Variants in POM121 observed in about 807,000 individuals in gnomAD.
POM121 encodes the protein nuclear envelope pore membrane protein POM 121.
A neutral mutation model predicts 81.3 loss-of-function variants in POM121; 32 were observed. That is an observed-to-expected ratio of 0.39 (90% CI 0.30 to 0.53). The LOEUF (loss-of-function observed/expected upper bound fraction) is 0.53. POM121 is among the 20% of genes least tolerant of loss of function. The pLI, the probability that POM121 is intolerant of heterozygous loss-of-function variation, is 0.66. For synonymous variants in POM121, 514 were observed against 694.2 expected, an observed-to-expected ratio of 0.74 and a Z score of 4.08; for missense variants, 1,138 against 1,614.6, an observed-to-expected ratio of 0.70 and a Z score of 5.06.
At chr7:72,949,286 C>T (rs376937207), downstream of POM121, 110 of 837,686 alleles carry the variant, frequency 1.3e-4, 3 homozygotes, top group Middle Eastern at 6.6e-4. Flanking sequence ...CTCTGAGTCC[C>T]TCAGCCACGC....
At chr7:72,898,586 C>T (rs1304753386) in intron 3 of POM121, among the ~76,000 whole-genome samples, 8 of 152,048 alleles carry the variant, frequency 5.3e-5, no homozygotes, top group Non-Finnish European at 1.2e-4. Flanking sequence ...CACCTGCGGT[C>T]GGGAGTGTGA....
chr7:72,895,275 T>C (rs1213067513), intron 3 of POM121, among the ~76,000 whole-genome samples: 1 of 152,238 alleles, frequency 6.6e-6, no homozygotes, highest in Non-Finnish European at 1.5e-5. Flanking sequence ...TGTATGTACC[T>C]TTTTCATACC....
intron 5 of POM121, 71 bp downstream of exon 5, chr7:72,930,182 T>G: frequency 6.6e-7 from 1 of 1,507,920 alleles, no homozygotes. Context: ...GGGCCAGACA[T>G]GGTAGCTTAG....
intron 10 of POM121, among the ~76,000 whole-genome samples, 200 bp from the exon 11 acceptor site, chr7:72,941,637 C>T (rs555931747): frequency 6.6e-6 from 1 of 151,846 alleles, no homozygotes; most frequent in African/African-American, 2.4e-5. Context: ...CATTTTATCC[C>T]CTTCTGTCTG....
intron 5 of POM121, among the ~76,000 whole-genome samples, chr7:72,933,000 A>G (rs868919203): frequency 1.2e-4 from 18 of 151,670 alleles, no homozygotes; most frequent in Admixed American, 2.0e-4. Flanking sequence ...TGCAGTGAGC[A>G]GAGATAGCGC....
chr7:72,913,281 C>T (rs1793979028), intron 3 of POM121, among the ~76,000 whole-genome samples: 1 of 152,348 alleles, frequency 6.6e-6, no homozygotes, highest in South Asian at 2.1e-4. Context: ...GTCTCCCCAC[C>T]TCCACTGCGT....
chr7:72,942,877 T>G lies in POM121; in HGVS notation c.2884T>G (p.Ser962Ala), dbSNP rs782075555. 5.6e-6 allele frequency: 9 copies of G among 1,594,484 alleles called. No individual in the cohort carries two copies. The highest frequency in any genetic ancestry group is 7.7e-6 in the Non-Finnish European group (9 of 1,171,666). Residue 962 changes from serine to alanine, a missense_variant, in exon 11 of 13, where the codon TCA (serine) becomes GCA (alanine). Physicochemically the swap from Ser to Ala is moderately conservative, Grantham distance 99 (BLOSUM62 1). Coordinates refer to ENST00000434423, the MANE Select transcript of POM121 (RefSeq NM_001387691.1). ...CTCAAGCGCCAAGTCCCCGCTCCCA[T>G]CATATCCGGGAGCCAACCCCCAGCC... is the stretch of plus-strand genomic sequence containing the variant. ...FGSSAKSPLPSYPGANPQPAF... is the reference protein window; with the variant it reads ...FGSSAKSPLPAYPGANPQPAF...
upstream of POM121, among the ~76,000 whole-genome samples, chr7:72,922,255 T>A (rs1407726922): frequency 1.3e-5 from 2 of 152,238 alleles, no homozygotes; most frequent in Non-Finnish European, 2.9e-5. Context: ...TGGGTTATCT[T>A]TTTGTTATTG....
chr7:72,899,963 G>A (rs1342148023), intron 3 of POM121, among the ~76,000 whole-genome samples: 14 of 152,130 alleles, frequency 9.2e-5, no homozygotes, highest in African/African-American at 3.4e-4. Flanking sequence ...TGGTAATGTG[G>A]GACACAGCAT....
intron 4 of POM121, among the ~76,000 whole-genome samples, chr7:72,914,508 T>A (rs1488881006): frequency 3.3e-5 from 5 of 149,660 alleles, no homozygotes; most frequent in East Asian, 1.9e-4. Context: ...TTTTTTTTTT[T>A]AACTTTTTGT....
intron 4 of POM121, among the ~76,000 whole-genome samples, chr7:72,914,897 C>T (rs1794152011): frequency 6.6e-6 from 1 of 152,148 alleles, no homozygotes; most frequent in Non-Finnish European, 1.5e-5. Flanking sequence ...CCGTTCCTCT[C>T]CAGGAATCTC....
exon 1 of POM121, chr7:72,879,784 G>C: frequency 2.0e-6 from 1 of 495,826 alleles, no homozygotes; most frequent in Middle Eastern, 6.2e-4. Flanking sequence ...CCTTGGTGAG[G>C]TGGACGGGAG....
intron 5 of POM121, 101 bp from the exon 6 acceptor site, chr7:72,938,489 A>G (rs2129579599): frequency 7.4e-7 from 1 of 1,352,534 alleles, no homozygotes; most frequent in South Asian, 1.2e-5. Flanking sequence ...CCATTTAACC[A>G]TAAAGAATGT....
chr7:72,884,209 T>C (rs1193757147), intron 1 of POM121, among the ~76,000 whole-genome samples: 8 of 152,216 alleles, frequency 5.3e-5, no homozygotes, highest in African/African-American at 1.9e-4. Context: ...TAGAATACTT[T>C]TCTAAAGATA....
chr7:72,912,272 C>T (rs1275137457), intron 3 of POM121, among the ~76,000 whole-genome samples: 6 of 152,160 alleles, frequency 3.9e-5, no homozygotes, highest in Non-Finnish European at 5.9e-5. Flanking sequence ...TGTGAGGGAT[C>T]AAAAGATAGG....
At chr7:72,914,041 C>T (rs1339696103) in intron 4 of POM121, among the ~76,000 whole-genome samples, 3 of 152,308 alleles carry the variant, frequency 2.0e-5, no homozygotes, top group East Asian at 1.9e-4. Context: ...AGGACAGAAG[C>T]GACGCTATGA....
rs1797824303 is a variant in POM121 at position 72,948,169 on chromosome 7, AGCGGGAG to A, written c.*1938_*1944del. The A allele has an allele frequency of 7.0e-7, 1 of 1,434,896 alleles. No individual in the cohort carries two copies. The highest frequency in any genetic ancestry group is 1.5e-5 in the South Asian group (1 of 66,300). The allele number at this position is 1,434,896 out of a possible 1,614,324, so 88.9% of individuals were successfully genotyped here. On this transcript the variant is annotated 3_prime_UTR_variant, in exon 13 of 13. Coordinates refer to ENST00000434423, the MANE Select transcript of POM121 (RefSeq NM_001387691.1). The stretch of plus-strand genomic sequence containing the variant: ...GTGTACAGTACACGCACTGGACGGC[AGCGGGAG>A]GCTGGGACTTTCCATTACAAATAGA...
At chr7:72,935,229 G>GCA in intron 5 of POM121, among the ~76,000 whole-genome samples, 1 of 152,034 alleles carries the variant, frequency 6.6e-6, no homozygotes, top group Non-Finnish European at 1.5e-5. Flanking sequence ...CTGGAGTGCA[G>GCA]TGACATGATC....
intron 4 of POM121, among the ~76,000 whole-genome samples, chr7:72,915,824 C>G (rs570170915): frequency 6.6e-5 from 10 of 152,298 alleles, no homozygotes; most frequent in African/African-American, 2.4e-4. Context: ...AGGCGCCCAC[C>G]ACCATGCCAG....
Sources: allele counts gnomAD v4.1 joint callset (sites outside exome capture counted in the v4.1 genomes callset), GRCh38; gene constraint gnomAD v4.1.1; transcripts MANE v1.5; gene names NCBI Gene and HGNC (gene_info 2026-07-23, HGNC 2026-07-21).